The following BCAS3 variants were observed in gnomAD, a reference collection of about 807,000 sequenced individuals.
BCAS3 encodes BCAS4/BCAS3 fusion.
Under a neutral mutation model 116.1 loss-of-function variants are expected in BCAS3, and 53 were observed. The observed-to-expected ratio is 0.46, with a 90% CI of 0.37 to 0.57. The LOEUF (loss-of-function observed/expected upper bound fraction) is 0.57, where lower values mean the gene tolerates loss of function less well. Among genes scored for constraint, BCAS3 ranks in the 20% least tolerant of loss-of-function variants. BCAS3 has a pLI of 0.00. For missense variants in BCAS3, 917 were observed against 1,165.4 expected, an observed-to-expected ratio of 0.79 and a Z score of 3.10; for synonymous variants, 391 against 408.2, an observed-to-expected ratio of 0.96 and a Z score of 0.51.
In BCAS3 at chr17:61,348,552, C is replaced by T. The variant is rs1333519603; in HGVS notation, c.2426-19775C>T. On this transcript the variant is annotated intron_variant, in intron 22 of 23. Coordinates refer to ENST00000407086, the MANE Select transcript of BCAS3 (RefSeq NM_017679.5). The surrounding 1 kb of genome is among the most constrained non-coding windows in gnomAD (Gnocchi z 4.5). Reference sequence around the variant, plus strand: ...AATTTGAGTTGCAGAGAGAATAAAGCGAGGCCTTGGGAGAGACTTGGGAGC... The same window carrying T: ...AATTTGAGTTGCAGAGAGAATAAAGTGAGGCCTTGGGAGAGACTTGGGAGC... Among the ~76,000 whole-genome samples, 1 of 151,912 alleles carries T rather than the reference C, an allele frequency of 6.6e-6. No homozygotes were observed. Among genetic ancestry groups the T allele is most frequent in the Admixed American group, 6.6e-5 (1 of 15,256 alleles).
At chr17:60,882,478 G>A (rs1265356328) in intron 9 of BCAS3, among the ~76,000 whole-genome samples, 3 of 151,752 alleles carry the variant, frequency 2.0e-5, no homozygotes, top group East Asian at 1.9e-4. Flanking sequence ...GTCTTTTGTT[G>A]CCATTGCTTT....
intron 7 of BCAS3, chr17:60,810,795 G>C: frequency 1.5e-6 from 1 of 666,338 alleles, no homozygotes; most frequent in Non-Finnish European, 2.8e-6. Context: ...AGGAGGAGCT[G>C]CTCTTCCTGA....
chr17:60,692,615 T>G (rs998413980), intron 4 of BCAS3, among the ~76,000 whole-genome samples: 1 of 149,214 alleles, frequency 6.7e-6, no homozygotes, highest in African/African-American at 2.6e-5. Flanking sequence ...TCACCTGTAG[T>G]CCCAGCTACT....
intron 9 of BCAS3, chr17:60,887,431 A>T: frequency 6.5e-6 from 1 of 153,710 alleles, no homozygotes. Context: ...TCACGCTGGG[A>T]GCTGTAGACT....
At position 61,227,620 on chromosome 17, in the gene BCAS3, G is replaced by A. The variant is rs548571519; in HGVS notation, c.2426-140707G>A. The stretch of plus-strand genomic sequence containing the variant: ...AGGCCACATGGCCGAGAGACAGGTG[G>A]GAAGCCAAGGAAGAATAAATTGGGC... On this transcript the variant is annotated intron_variant, in intron 22 of 23. Transcript: ENST00000407086. The surrounding 1 kb of genome is among the most constrained non-coding windows in gnomAD (Gnocchi z 6.1). Among the ~76,000 whole-genome samples the A allele has an allele frequency of 1.3e-5, 2 of 152,294 alleles. No individual in the cohort carries two copies. The highest frequency in any genetic ancestry group is 2.4e-5 in the African/African-American group (1 of 41,564).
intron 19 of BCAS3, among the ~76,000 whole-genome samples, chr17:61,047,808 T>A (rs1045769258): frequency 2.6e-5 from 4 of 152,012 alleles, no homozygotes; most frequent in African/African-American, 9.7e-5. Flanking sequence ...GAAAGCCTTA[T>A]TTAAGGGAAA....
chr17:60,767,393 G>T (rs1258195907), intron 6 of BCAS3, among the ~76,000 whole-genome samples: 1 of 141,462 alleles, frequency 7.1e-6, no homozygotes, highest in Non-Finnish European at 1.5e-5. Flanking sequence ...CACCCAGGCT[G>T]GAGTGCAGTG....
chr17:60,678,371 C>G (rs910709112), intron 1 of BCAS3, among the ~76,000 whole-genome samples: 1 of 152,028 alleles, frequency 6.6e-6, no homozygotes, highest in African/African-American at 2.4e-5. Flanking sequence ...TGTGAATGCT[C>G]CCTACTTAAA....
intron 14 of BCAS3, among the ~76,000 whole-genome samples, chr17:60,950,534 C>T: frequency 6.6e-6 from 1 of 152,162 alleles, no homozygotes; most frequent in East Asian, 1.9e-4. Context: ...GTTGCCCAGG[C>T]TAGTCTTGAA....
chr17:61,328,890 C>CTTTT (rs922578027), intron 22 of BCAS3, among the ~76,000 whole-genome samples: 38 of 122,596 alleles, frequency 3.1e-4, no homozygotes, highest in African/African-American at 9.8e-4. Context: ...GACGCAGGCT[C>CTTTT]TTTTTTTTTT....
At chr17:61,092,082 A>G (rs2073619869) in intron 22 of BCAS3, among the ~76,000 whole-genome samples, 1 of 152,204 alleles carries the variant, frequency 6.6e-6, no homozygotes, top group South Asian at 2.1e-4. Flanking sequence ...CTTTACCTGT[A>G]TTAAACTTCA....
chr17:61,058,651 G>A (rs1568248881), intron 19 of BCAS3, among the ~76,000 whole-genome samples: 1 of 152,182 alleles, frequency 6.6e-6, no homozygotes, highest in Non-Finnish European at 1.5e-5. Context: ...TGCATGTGAA[G>A]CTTCCTTCAA....
intron 22 of BCAS3, chr17:61,245,156 G>A (rs891574941): frequency 3.9e-5 from 6 of 152,092 alleles, no homozygotes; most frequent in African/African-American, 9.7e-5. Flanking sequence ...CCTTCTTCAC[G>A]TGGTTGCAGA....
chr17:60,809,007 G>C (rs2048538242), intron 7 of BCAS3, among the ~76,000 whole-genome samples: 1 of 152,152 alleles, frequency 6.6e-6, no homozygotes, highest in Non-Finnish European at 1.5e-5. Flanking sequence ...TTGTGGGCCA[G>C]GCATGGTGAC....
chr17:61,040,893 G>A lies in BCAS3; in HGVS notation c.2029+1G>A. 3 of 1,611,798 alleles carry A rather than the reference G, an allele frequency of 1.9e-6. No homozygotes were observed. The highest frequency in any genetic ancestry group is 2.5e-6 in the Non-Finnish European group (3 of 1,178,460). Reference sequence around the variant, plus strand: ...TATTATCAGTTCCTGCTTGCTGGCCGTAAGTAGTTCAGATTTTTTTTTTCC... The same window carrying A: ...TATTATCAGTTCCTGCTTGCTGGCCATAAGTAGTTCAGATTTTTTTTTTCC... On this transcript the variant is annotated splice_donor_variant, in intron 19 of 23. Transcript: ENST00000407086. LOFTEE classifies it high-confidence loss of function.
chr17:61,227,655 G>C lies in BCAS3; in HGVS notation c.2426-140672G>C, dbSNP rs1236050003. 6.6e-5 allele frequency among the ~76,000 whole-genome samples: 10 copies of C among 152,186 alleles called. No individual in the cohort carries two copies. The highest frequency in any genetic ancestry group is 6.5e-4 in the Admixed American group (10 of 15,278). The stretch of plus-strand genomic sequence containing the variant: ...GAAGAATAAATTGGGCATAGGTCCT[G>C]TTAATTTACACCAGCCCATCAGGTT... On this transcript the variant is annotated intron_variant, in intron 22 of 23. Coordinates refer to ENST00000407086, the MANE Select transcript of BCAS3 (RefSeq NM_017679.5). This position sits in a 1 kb window ranked among gnomAD's most constrained non-coding sequence, Gnocchi z 6.1.
intron 22 of BCAS3, among the ~76,000 whole-genome samples, chr17:61,160,464 G>A (rs2078106332): frequency 6.6e-6 from 1 of 152,110 alleles, no homozygotes; most frequent in African/African-American, 2.4e-5. Flanking sequence ...TCCCCTCCCT[G>A]TGACTGCGCT....
chr17:61,117,613 A>G (rs2075551093), intron 22 of BCAS3, among the ~76,000 whole-genome samples: 1 of 152,174 alleles, frequency 6.6e-6, no homozygotes, highest in African/African-American at 2.4e-5. Context: ...ATAAGTAAAT[A>G]AGTAAATAAA....
chr17:60,820,741 G>A (rs1049274455), intron 7 of BCAS3, among the ~76,000 whole-genome samples: 6 of 152,096 alleles, frequency 3.9e-5, no homozygotes, highest in Admixed American at 6.5e-5. Flanking sequence ...AGACTGTTAC[G>A]TTATGGAGAA....
Sources: gnomAD v4.1 joint callset for allele counts (sites outside exome capture counted in the v4.1 genomes callset) on GRCh38, gnomAD v4.1.1 for gene constraint, Gnocchi (gnomAD v3.1) non-coding constraint, MANE v1.5 for transcripts, NCBI Gene and HGNC (gene_info 2026-07-23, HGNC 2026-07-21) for gene names.